WDR59: variants seen among roughly 807,000 people sequenced by gnomAD.
WDR59 encodes the protein GATOR2 complex protein WDR59.
A neutral mutation model predicts 131.2 loss-of-function variants in WDR59; 100 were observed. The ratio of observed to expected loss-of-function variants is 0.76; its 90% CI spans 0.65 to 0.90. WDR59 has a LOEUF of 0.90. Among genes scored for constraint, WDR59 ranks in the 40% least tolerant of loss-of-function variants. WDR59 has a pLI of 0.00. For synonymous variants in WDR59, 601 were observed against 466.2 expected (o/e 1.29, Z -3.72); for missense variants, 1,203 against 1,262.2 (o/e 0.95, Z 0.71).
At chr16:74,906,755 C>T (rs965720624) in intron 17 of WDR59, among the ~76,000 whole-genome samples, 4 of 152,076 alleles carry the variant, frequency 2.6e-5, no homozygotes, top group East Asian at 3.9e-4. Flanking sequence ...CAGGTCATGC[C>T]GCACTATTCC....
intron 13 of WDR59, among the ~76,000 whole-genome samples, chr16:74,914,397 A>G (rs537556568): frequency 1.1e-4 from 16 of 152,262 alleles, no homozygotes; most frequent in African/African-American, 2.9e-4. Context: ...AGAATCCTTT[A>G]TATCTTTTCA....
intron 1 of WDR59, among the ~76,000 whole-genome samples, chr16:74,976,613 C>A (rs7184327): frequency 1.3e-5 from 2 of 151,894 alleles, no homozygotes; most frequent in African/African-American, 4.8e-5. Flanking sequence ...GGCTAATTTT[C>A]TGTATTTTTA....
chr16:74,909,794 G>T (rs1372832376), intron 15 of WDR59, 28 bp downstream of exon 15: 2 of 1,598,906 alleles, frequency 1.3e-6, no homozygotes, highest in Admixed American at 1.8e-5. Context: ...CAAAGCCTAA[G>T]TTGGTATGAC....
In WDR59 at chr16:74,977,239, C is replaced by CA. The variant is rs971630589; in HGVS notation, c.54+7724dup. Among the ~76,000 whole-genome samples, 120 of 144,758 alleles carry CA rather than the reference C, an allele frequency of 8.3e-4. 4 individuals are homozygous for CA. In the South Asian group the frequency reaches 0.018, roughly 21 times the overall value. 95.0% of individuals were successfully genotyped at this position (144,758 alleles called of 152,430 possible). On this transcript the variant is annotated intron_variant, in intron 1 of 25. Coordinates refer to ENST00000262144, the MANE Select transcript of WDR59 (RefSeq NM_030581.4). The stretch of plus-strand genomic sequence containing the variant: ...CCACAGTAACAGCGAGATCGCATCT[C>CA]AAAAAAAAAATTTTAATTTAAATTA...
At position 74,909,814 on chromosome 16, in the gene WDR59, C is replaced by A. The variant is rs752081872; in HGVS notation, c.1485+8G>T. The A allele has an allele frequency of 3.7e-6, 6 of 1,608,202 alleles. No individual in the cohort carries two copies. In the African/African-American group the frequency reaches 8.1e-5, roughly 22 times the overall value. Reference sequence around the variant, plus strand: ...CCTAAGTTGGTATGACAGTTTCATGCTTCCCACCACAAAGGACTCAAGGCA... The same window carrying A: ...CCTAAGTTGGTATGACAGTTTCATGATTCCCACCACAAAGGACTCAAGGCA... On this transcript the variant is annotated splice_region_variant and intron_variant, in intron 15 of 25. Coordinates refer to ENST00000262144, the MANE Select transcript of WDR59 (RefSeq NM_030581.4).
At chr16:74,958,860 C>T (rs1027000622) in intron 2 of WDR59, among the ~76,000 whole-genome samples, 1 of 151,442 alleles carries the variant, frequency 6.6e-6, no homozygotes, top group African/African-American at 2.4e-5. Flanking sequence ...GTCAGGAGTT[C>T]GAGACTAGCC....
chr16:74,895,452 AG>A (rs1965256207), intron 18 of WDR59, among the ~76,000 whole-genome samples: 1 of 152,076 alleles, frequency 6.6e-6, no homozygotes, highest in Admixed American at 6.5e-5. Context: ...TAGTAGAGAC[AG>A]GGTTTCACCA....
At chr16:74,981,216 T>C (rs2034391187) in intron 1 of WDR59, among the ~76,000 whole-genome samples, 1 of 150,352 alleles carries the variant, frequency 6.7e-6, no homozygotes, top group African/African-American at 2.4e-5. Context: ...AAAATATATA[T>C]ATACAAAAAA....
At chr16:74,970,525 A>AAAAAAAAAAC (rs2033941794) in intron 1 of WDR59, among the ~76,000 whole-genome samples, 1 of 143,872 alleles carries the variant, frequency 7.0e-6, no homozygotes, top group Non-Finnish European at 1.5e-5. Context: ...AAAAAAAAAA[A>AAAAAAAAAAC]AAGCAGCTCT....
At chr16:74,967,952 G>A (rs1422480026) in intron 1 of WDR59, among the ~76,000 whole-genome samples, 1 of 151,952 alleles carries the variant, frequency 6.6e-6, no homozygotes, top group Non-Finnish European at 1.5e-5. Context: ...ACATATAATG[G>A]AATATTATTC....
At chr16:74,929,258 G>A (rs1036226041) in intron 8 of WDR59, among the ~76,000 whole-genome samples, 12 of 152,212 alleles carry the variant, frequency 7.9e-5, no homozygotes, top group Admixed American at 7.9e-4. Flanking sequence ...TGTATTTTTA[G>A]TAGAGACGGG....
chr16:74,939,521 TA>T (rs1467007861), intron 7 of WDR59, among the ~76,000 whole-genome samples: 1 of 151,666 alleles, frequency 6.6e-6, no homozygotes, highest in African/African-American at 2.4e-5. Context: ...CACAACTACG[TA>T]CACAGTACGA....
intron 5 of WDR59, among the ~76,000 whole-genome samples, chr16:74,948,893 G>C (rs914416235): frequency 6.6e-6 from 1 of 152,144 alleles, no homozygotes; most frequent in African/African-American, 2.4e-5. Flanking sequence ...AGCTACTCGG[G>C]AGACTGAGGC....
At chr16:74,984,048 G>A (rs7206079) in intron 1 of WDR59, among the ~76,000 whole-genome samples, 1 of 151,938 alleles carries the variant, frequency 6.6e-6, no homozygotes, top group African/African-American at 2.4e-5. Flanking sequence ...AGGCTGAGGT[G>A]GGTGGATCAC....
intron 3 of WDR59, 29 bp downstream of exon 3, chr16:74,956,446 A>G: frequency 1.2e-6 from 2 of 1,608,072 alleles, no homozygotes; most frequent in Non-Finnish European, 1.7e-6. Flanking sequence ...ATTTAACAGC[A>G]TTCTCCTGTA....
At chr16:74,939,222 T>A (rs1391032428) in intron 7 of WDR59, among the ~76,000 whole-genome samples, 1 of 152,232 alleles carries the variant, frequency 6.6e-6, no homozygotes, top group East Asian at 1.9e-4. Flanking sequence ...ATTACAGGTT[T>A]GAGCCACTTT....
rs2032989699 is a variant in WDR59 at position 74,951,363 on chromosome 16, G to A, written c.326+95C>T. ...ACCCGGGACCTGTGCAACACAGACA[G>A]TCAAGCCATGCAAGGAGGACGGCAT... On this transcript the variant is annotated intron_variant, in intron 4 of 25. Transcript: ENST00000262144. 8 of 1,246,912 alleles carry A rather than the reference G, an allele frequency of 6.4e-6. No homozygotes were observed. In the South Asian group the frequency reaches 1.0e-4, roughly 16 times the overall value. 77.2% of individuals were successfully genotyped at this position (1,246,912 alleles called of 1,614,324 possible).
chr16:74,891,864 T>C (rs2081252), intron 20 of WDR59, among the ~76,000 whole-genome samples: 38,558 of 152,072 alleles, frequency 0.25, 5,238 homozygotes, highest in African/African-American at 0.31. Flanking sequence ...GCGGAGGTTG[T>C]GGTGAGCTGA....
In WDR59 at chr16:74,873,965, C is replaced by T; in HGVS notation, c.*244G>A. Reference sequence around the variant, plus strand: ...ACCTTGGTAGCTCAGCCGACATAGACAACACACAAAGCGCAGCTCTGCACT... The same window carrying T: ...ACCTTGGTAGCTCAGCCGACATAGATAACACACAAAGCGCAGCTCTGCACT... On this transcript the variant is annotated 3_prime_UTR_variant, in exon 26 of 26. Transcript: ENST00000262144. The T allele has an allele frequency of 1.9e-6, 1 of 513,800 alleles. No individual in the cohort carries two copies. The highest frequency in any genetic ancestry group is 3.5e-6 in the Non-Finnish European group (1 of 285,432). The allele number at this position is 513,800 out of a possible 1,614,324, so 31.8% of individuals were successfully genotyped here. A position where few individuals can be genotyped will look rare whatever the true frequency, so the allele number is the denominator to read the frequency against.
Sources: allele counts gnomAD v4.1 joint callset (sites outside exome capture counted in the v4.1 genomes callset), GRCh38; gene constraint gnomAD v4.1.1; transcripts MANE v1.5; gene names NCBI Gene and HGNC (gene_info 2026-07-23, HGNC 2026-07-21).